ALG9: variants seen among roughly 807,000 people sequenced by gnomAD.
ALG9 encodes alpha-1,2-mannosyltransferase ALG9.
A neutral mutation model predicts 81.8 loss-of-function variants in ALG9; 55 were observed. The ratio of observed to expected loss-of-function variants is 0.67; its 90% CI spans 0.54 to 0.84. The LOEUF is 0.84. Ranked by LOEUF, ALG9 falls within the 40% of genes least tolerant of loss-of-function variation. The pLI, the probability that ALG9 is intolerant of heterozygous loss-of-function variation, is 0.00. For missense variants in ALG9, 629 were observed against 745.0 expected (o/e 0.84, Z 1.81); for synonymous variants, 278 against 274.3 (o/e 1.01, Z -0.13).
chr11:111,834,745 C>T (rs1954948170), intron 13 of ALG9, among the ~76,000 whole-genome samples: 1 of 152,130 alleles, frequency 6.6e-6, no homozygotes, highest in African/African-American at 2.4e-5. Flanking sequence ...TGTATTTTCC[C>T]ACCCTTTGAC....
chr11:111,850,395 G>A (rs1957577504), intron 8 of ALG9, among the ~76,000 whole-genome samples: 1 of 151,994 alleles, frequency 6.6e-6, no homozygotes, highest in African/African-American at 2.4e-5. Context: ...AACCAAAAAG[G>A]AGTTAACACT....
chr11:111,827,729 A>G (rs1023677307), intron 13 of ALG9, among the ~76,000 whole-genome samples: 4 of 151,420 alleles, frequency 2.6e-5, no homozygotes, highest in Non-Finnish European at 5.9e-5. Context: ...TTAGCCAGGC[A>G]TGGTGGCACA....
rs1390197956 is a variant in ALG9 at position 111,840,880 on chromosome 11, T to C, written c.1019-71A>G. 6.3e-6 allele frequency: 10 copies of C among 1,581,858 alleles called. No homozygotes were observed. In the South Asian group the frequency reaches 1.0e-4, roughly 16 times the overall value. ...AACAACATATTTAGTTTTAGTGTTA[T>C]CTTGATCTCAAATTTAGGAGTATGC... On this transcript the variant is annotated intron_variant, in intron 9 of 14. Coordinates refer to ENST00000616540, the MANE Select transcript of ALG9 (RefSeq NM_024740.2).
chr11:111,786,916 G>C (rs1946555714), intron 14 of ALG9, among the ~76,000 whole-genome samples: 1 of 152,162 alleles, frequency 6.6e-6, no homozygotes, highest in African/African-American at 2.4e-5. Flanking sequence ...CTGGACTCCA[G>C]CTCTAAGTTT....
At chr11:111,837,647 G>C in intron 11 of ALG9, 32 bp from the exon 12 acceptor site, 1 of 1,607,454 alleles carries the variant, frequency 6.2e-7, no homozygotes, top group Non-Finnish European at 8.5e-7. Flanking sequence ...GAGAGCCAGA[G>C]ATGAGTAAGA....
At chr11:111,769,616 C>CAAA in the ALG9 span, among the ~76,000 whole-genome samples, 1 of 131,638 alleles carries the variant, frequency 7.6e-6, no homozygotes. Context: ...GACCCTGTCT[C>CAAA]AAAAAAAAAA....
At chr11:111,816,351 C>T (rs1555097151) in intron 13 of ALG9, among the ~76,000 whole-genome samples, 2 of 151,598 alleles carry the variant, frequency 1.3e-5, no homozygotes, top group Non-Finnish European at 2.9e-5. Flanking sequence ...CCTCAACCTC[C>T]TGGGTTCAAG....
intron 3 of ALG9, among the ~76,000 whole-genome samples, 155 bp from the exon 4 acceptor site, chr11:111,865,406 T>A (rs1962034542): frequency 2.0e-5 from 3 of 152,232 alleles, no homozygotes; most frequent in Admixed American, 1.3e-4. Flanking sequence ...ATCCCTTGAC[T>A]CAATATCAGT....
chr11:111,866,214 T>TCAAG (rs1308519129), intron 3 of ALG9, among the ~76,000 whole-genome samples: 2 of 152,202 alleles, frequency 1.3e-5, no homozygotes, highest in Non-Finnish European at 2.9e-5. Flanking sequence ...AGGGAATTAC[T>TCAAG]TGAACCTGGG....
In ALG9 at chr11:111,871,421, G is replaced by A. The variant is rs1298391733; in HGVS notation, c.62C>T (p.Ala21Val). 57 of 1,536,006 alleles carry A rather than the reference G, an allele frequency of 3.7e-5. No individual in the cohort carries two copies. The Admixed American group carries it at 8.8e-4, about 24-fold the overall frequency. ...CTCCCGCAGCTTGTCCGCAGCCGGGGCCGTATCCCCACTGCTGGCCCCGCT... is the reference window on the plus strand; with the variant it reads ...CTCCCGCAGCTTGTCCGCAGCCGGGACCGTATCCCCACTGCTGGCCCCGCT... ...KGSGASSGDT[A>V]PAADKLRELL... Residue 21 changes from alanine (A) to valine (V), a missense_variant, in exon 1 of 15, where the codon GCC becomes GTC. Around this residue, in one of 3 missense-constraint regions of ALG9, gnomAD observed 344 missense variants for 390.5 expected, o/e 0.88. Coordinates refer to ENST00000616540, the MANE Select transcript of ALG9 (RefSeq NM_024740.2).
intron 3 of ALG9, among the ~76,000 whole-genome samples, chr11:111,867,964 A>T (rs1165626595): frequency 1.3e-5 from 2 of 152,212 alleles, no homozygotes. Context: ...GAGAAAATAA[A>T]TTGAAAACAG....
chr11:111,775,059 A>G, the ALG9 span, among the ~76,000 whole-genome samples: 1 of 152,126 alleles, frequency 6.6e-6, no homozygotes, highest in Non-Finnish European at 1.5e-5. Context: ...AAGTGCTGGG[A>G]TTACAGGCAT....
chr11:111,817,211 G>GAGT (rs1264635051), intron 13 of ALG9: 1 of 152,168 alleles, frequency 6.6e-6, no homozygotes, highest in East Asian at 1.9e-4. Context: ...TTCAGCCAAG[G>GAGT]AGTAAGATGA....
chr11:111,790,884 A>G (rs1259033962), intron 14 of ALG9, among the ~76,000 whole-genome samples: 2 of 152,220 alleles, frequency 1.3e-5, no homozygotes. Context: ...GCCACCTAGA[A>G]AGGCAGTTTT....
rs557909277 is a variant in ALG9, at chr11:111,786,249, G to C, written c.*148C>G. On this transcript the variant is annotated 3_prime_UTR_variant, in exon 15 of 15. Coordinates refer to ENST00000616540, the MANE Select transcript of ALG9 (RefSeq NM_024740.2). ...GTGACTTTGATTAGACTTTGAAATA[G>C]ACTTTGACTAGCCCAGAGCACCCAG... 1 of 1,257,524 alleles carries C rather than the reference G, an allele frequency of 8.0e-7. No homozygotes were observed. Among genetic ancestry groups the C allele is most frequent in the African/African-American group, 1.5e-5 (1 of 67,706 alleles). The allele number at this position is 1,257,524 out of a possible 1,614,324, so 77.9% of individuals were successfully genotyped here.
chr11:111,817,262 T>A (rs1270841920), intron 13 of ALG9: 1 of 152,298 alleles, frequency 6.6e-6, no homozygotes, highest in Non-Finnish European at 1.5e-5. Flanking sequence ...ATACTAGCTA[T>A]GCTGCGGAGG....
chr11:111,817,354 G>C (rs1377018301), intron 13 of ALG9: 1 of 152,212 alleles, frequency 6.6e-6, no homozygotes, highest in Non-Finnish European at 1.5e-5. Flanking sequence ...AAGTGATAAT[G>C]CCTTCTGATA....
chr11:111,798,603 T>C (rs1555077613), intron 14 of ALG9, among the ~76,000 whole-genome samples: 1 of 152,178 alleles, frequency 6.6e-6, no homozygotes, highest in East Asian at 1.9e-4. Flanking sequence ...GAAAAAAAAA[T>C]CTTTTATTTT....
At chr11:111,818,584 TAAGA>T (rs1188736272) in intron 13 of ALG9, among the ~76,000 whole-genome samples, 1 of 152,218 alleles carries the variant, frequency 6.6e-6, no homozygotes, top group Non-Finnish European at 1.5e-5. Flanking sequence ...ATGATTTCCT[TAAGA>T]AAGACTTCAC....
Sources: gnomAD v4.1 joint callset for allele counts (sites outside exome capture counted in the v4.1 genomes callset) on GRCh38, gnomAD v4.1.1 for gene constraint, gnomAD v4.1.1 regional missense constraint, MANE v1.5 for transcripts, NCBI Gene and HGNC (gene_info 2026-07-23, HGNC 2026-07-21) for gene names.